The following STK32C variants were observed in gnomAD, a reference collection of about 807,000 sequenced individuals.
STK32C encodes the protein serine/threonine-protein kinase 32C.
A neutral mutation model predicts 56.5 loss-of-function variants in STK32C; 31 were observed. The ratio of observed to expected loss-of-function variants is 0.55; its 90% CI spans 0.41 to 0.74. STK32C has a LOEUF of 0.74. STK32C is among the 30% of genes least tolerant of loss of function. The probability of loss-of-function intolerance (pLI) is 0.00; values close to 1 mark genes in which losing one functional copy is unlikely to be tolerated. For synonymous variants in STK32C, 309 were observed against 289.4 expected, an observed-to-expected ratio of 1.07 and a Z score of -0.69; for missense variants, 544 against 676.9, an observed-to-expected ratio of 0.80 and a Z score of 2.18.
chr10:132,229,276 G>C (rs564308904), intron 2 of STK32C, among the ~76,000 whole-genome samples: 1 of 152,294 alleles, frequency 6.6e-6, no homozygotes, highest in Admixed American at 6.5e-5. Flanking sequence ...AGCCCAGCAG[G>C]GGGCCTGGAG....
chr10:132,243,166 C>T (rs940836374), intron 2 of STK32C, among the ~76,000 whole-genome samples: 1 of 152,242 alleles, frequency 6.6e-6, no homozygotes. Context: ...CAGGAGGATG[C>T]AGGAATGGGG....
chr10:132,312,134 G>A (rs1453755353), upstream of STK32C, among the ~76,000 whole-genome samples: 1 of 152,128 alleles, frequency 6.6e-6, no homozygotes, highest in Non-Finnish European at 1.5e-5. Flanking sequence ...AGGCTCCTGA[G>A]TAGCTCGGAC....
chr10:132,264,163 T>A (rs548412223), intron 1 of STK32C, among the ~76,000 whole-genome samples: 2 of 152,296 alleles, frequency 1.3e-5, no homozygotes, highest in South Asian at 2.1e-4. Flanking sequence ...AGAGGTGGTG[T>A]GAAGAGTATG....
chr10:132,331,344 GGGTTCCACA>G (rs2066722034), intron 1 of STK32C: 1 of 1,314,376 alleles, frequency 7.6e-7, no homozygotes, highest in Non-Finnish European at 1.0e-6. Context: ...CGGGACTCCA[GGGTTCCACA>G]GGACCACGCG....
chr10:132,298,088 C>T (rs1590434261), intron 1 of STK32C, among the ~76,000 whole-genome samples: 1 of 152,332 alleles, frequency 6.6e-6, no homozygotes, highest in East Asian at 1.9e-4. Context: ...AGCAGCACCA[C>T]TCCCTGAAGG....
upstream of STK32C, chr10:132,332,144 G>A (rs7070738): frequency 0.014 from 2,497 of 172,988 alleles, 47 homozygotes; most frequent in South Asian, 0.042. Flanking sequence ...GCGCCTGCGG[G>A]ATTCCGTACC....
chr10:132,224,088 C>T (rs1414039804), intron 8 of STK32C, among the ~76,000 whole-genome samples: 1 of 152,050 alleles, frequency 6.6e-6, no homozygotes, highest in Non-Finnish European at 1.5e-5. Context: ...GGACGTGGCT[C>T]AGGGCTCCTC....
At chr10:132,245,791 G>T in intron 2 of STK32C, 109 bp downstream of exon 2, 1 of 1,120,524 alleles carries the variant, frequency 8.9e-7, no homozygotes, top group Non-Finnish European at 1.3e-6. Flanking sequence ...AGGTAAGGCT[G>T]CTTCTCCCAA....
At chr10:132,232,530 G>A (rs562448973) in intron 2 of STK32C, among the ~76,000 whole-genome samples, 23 of 152,036 alleles carry the variant, frequency 1.5e-4, no homozygotes, top group Non-Finnish European at 3.1e-4. Context: ...GACCAGGCCT[G>A]GGGGGCTGAG....
At chr10:132,273,542 AATGAG>A (rs2064897968) in intron 1 of STK32C, among the ~76,000 whole-genome samples, 1 of 152,028 alleles carries the variant, frequency 6.6e-6, no homozygotes, top group Non-Finnish European at 1.5e-5. Flanking sequence ...CAAATGAGTA[AATGAG>A]ATGAATGAGC....
chr10:132,233,590 G>A (rs990714971), intron 2 of STK32C, among the ~76,000 whole-genome samples: 8 of 152,186 alleles, frequency 5.3e-5, no homozygotes, highest in Admixed American at 1.3e-4. Context: ...CCTGGGTGGC[G>A]GCTGTAGTGG....
intron 1 of STK32C, chr10:132,330,530 G>A (rs1461382922): frequency 1.4e-6 from 1 of 716,312 alleles, no homozygotes; most frequent in Non-Finnish European, 2.6e-6. Flanking sequence ...TTTTTTTTGA[G>A]ACAGGGTCTC....
At chr10:132,307,997 AG>A, upstream of STK32C, 1 of 194,542 alleles carries the variant, frequency 5.1e-6, no homozygotes, top group Non-Finnish European at 5.9e-6. The surrounding 1 kb of genome is among the most constrained non-coding windows in gnomAD (Gnocchi z 4.4). Context: ...GGGGCGGGGC[AG>A]GGGCGGGGCT....
At chr10:132,282,115 G>A (rs950671976) in intron 1 of STK32C, among the ~76,000 whole-genome samples, 8 of 152,160 alleles carry the variant, frequency 5.3e-5, no homozygotes, top group Admixed American at 1.3e-4. Context: ...GCGGGGAGGC[G>A]CTACATTGTG....
intron 2 of STK32C, among the ~76,000 whole-genome samples, chr10:132,243,255 G>A (rs2063567449): frequency 6.6e-6 from 1 of 152,236 alleles, no homozygotes; most frequent in African/African-American, 2.4e-5. Context: ...GCGATGTCCT[G>A]GATTCTGAAC....
Position 132,292,807 on chromosome 10 carries a change from G to GT in STK32C, c.262+14764dup, listed in dbSNP as rs572111701. Among the ~76,000 whole-genome samples the GT allele has an allele frequency of 3.0e-3, 452 of 152,256 alleles. 8 individuals are homozygous for GT. In the South Asian group the frequency reaches 0.049, roughly 16 times the overall value. On this transcript the variant is annotated intron_variant, in intron 1 of 11. Transcript: ENST00000298630. Reference sequence around the variant, plus strand: ...CCCCTGGAGCTCTTCTATAAGAAAGGTGTGAGGGAGGGCATCAGATTGCCA... The same window carrying GT: ...CCCCTGGAGCTCTTCTATAAGAAAGGTTGTGAGGGAGGGCATCAGATTGCCA...
intron 10 of STK32C, among the ~76,000 whole-genome samples, chr10:132,220,201 T>C (rs1026745523): frequency 1.3e-5 from 2 of 152,104 alleles, no homozygotes; most frequent in Non-Finnish European, 2.9e-5. Flanking sequence ...GGTGTCCTTA[T>C]GAGAAGAGGG....
At chr10:132,292,634 T>C (rs1405527178) in intron 1 of STK32C, among the ~76,000 whole-genome samples, 2 of 152,138 alleles carry the variant, frequency 1.3e-5, no homozygotes, top group African/African-American at 2.4e-5. Context: ...CTCATACCCA[T>C]ACAGGCTAAT....
At chr10:132,242,156 C>T (rs895077213) in intron 2 of STK32C, among the ~76,000 whole-genome samples, 4 of 151,050 alleles carry the variant, frequency 2.6e-5, no homozygotes, top group East Asian at 1.9e-4. Context: ...CAGAACAGAA[C>T]GTTTCTTGCC....
Sources: gnomAD v4.1 joint callset for allele counts (sites outside exome capture counted in the v4.1 genomes callset) on GRCh38, gnomAD v4.1.1 for gene constraint, Gnocchi (gnomAD v3.1) non-coding constraint, MANE v1.5 for transcripts, NCBI Gene and HGNC (gene_info 2026-07-23, HGNC 2026-07-21) for gene names.